The following FAM50B variants were observed in gnomAD, a reference collection of about 807,000 sequenced individuals.
The protein encoded by FAM50B is family with sequence similarity 50 member B.
Under a neutral mutation model 25.4 loss-of-function variants are expected in FAM50B, and 9 were observed. That is an observed-to-expected ratio of 0.35 (90% CI 0.21 to 0.62). The LOEUF (loss-of-function observed/expected upper bound fraction) is 0.62. Among genes scored for constraint, FAM50B ranks in the 20% least tolerant of loss-of-function variants. The probability of loss-of-function intolerance (pLI) is 0.73; values close to 1 mark genes in which losing one functional copy is unlikely to be tolerated. For synonymous variants in FAM50B, 212 were observed against 204.3 expected, an observed-to-expected ratio of 1.04 and a Z score of -0.32; for missense variants, 372 against 477.9, an observed-to-expected ratio of 0.78 and a Z score of 2.07.
rs773185779 is a variant in FAM50B, at chr6:3,849,998, A to C, written c.187A>C (p.Ser63Arg). The change falls in exon 2 of 2, where the codon AGC becomes CGC. Residue 63 changes from serine to arginine, a missense_variant. By Grantham distance (110) the Ser-to-Arg change is moderately radical. Transcript: ENST00000648326. ...YDAVEAELKS[S>R]TVGLVTLNDM... ...CGCCGTGGAGGCCGAGCTGAAGTCCAGCACGGTGGGCCTGGTGACCCTGAA... is the reference window on the plus strand; with the variant it reads ...CGCCGTGGAGGCCGAGCTGAAGTCCCGCACGGTGGGCCTGGTGACCCTGAA... The C allele has an allele frequency of 1.2e-6, 2 of 1,613,770 alleles. No individual in the cohort carries two copies. The highest frequency in any genetic ancestry group is 1.7e-5 in the Admixed American group (1 of 60,004).
At chr6:3,846,009 C>A (rs1397361038), upstream of FAM50B, among the ~76,000 whole-genome samples, 1 of 152,170 alleles carries the variant, frequency 6.6e-6, no homozygotes, top group African/African-American at 2.4e-5. Flanking sequence ...GTGTGAGCCA[C>A]TGCGCCTGGC....
chr6:3,839,287 C>T, the FAM50B span, among the ~76,000 whole-genome samples: 4 of 152,020 alleles, frequency 2.6e-5, no homozygotes, highest in Non-Finnish European at 5.9e-5. Flanking sequence ...TTCTCAGAAG[C>T]TAACAGGTCA....
chr6:3,850,285 C>T lies in FAM50B; in HGVS notation c.474C>T (p.Arg158=), dbSNP rs747860750. The T allele has an allele frequency of 8.1e-6, 13 of 1,613,102 alleles. No homozygotes were observed. The highest frequency in any genetic ancestry group is 2.2e-5 in the South Asian group (2 of 91,060). ...CCAGCTTCCTGCCAGACCGCGACCG[C>T]GAGGAGGAGGAGAACCGGCTCCGAG... The part of the protein sequence containing the change: ...VDTSFLPDRD[R]EEEENRLREE... The change falls in exon 2 of 2, where the codon CGC becomes CGT. Residue 158 remains arginine (R), a synonymous_variant. Transcript: ENST00000648326.
chr6:3,850,416 GGGTGCGCAAGGGCAACACGGTGCA>G lies in FAM50B; in HGVS notation c.607_630del (p.Val203_Gln210del). 1 of 1,613,342 alleles carries G rather than the reference GGGTGCGCAAGGGCAACACGGTGCA, an allele frequency of 6.2e-7. No individual in the cohort carries two copies. The highest frequency in any genetic ancestry group is 8.5e-7 in the Non-Finnish European group (1 of 1,179,934). On this transcript the variant is annotated inframe_deletion, in exon 2 of 2. Coordinates refer to ENST00000648326, the MANE Select transcript of FAM50B (RefSeq NM_012135.3). ...GGCTCGGGCCACCGGCGCACGGTGC[GGGTGCGCAAGGGCAACACGGTGCA>G]GCAGTTCCTGAAGAAGGCGCTGCAG...
the FAM50B span, among the ~76,000 whole-genome samples, chr6:3,836,293 A>G: frequency 2.0e-5 from 3 of 152,156 alleles, no homozygotes; most frequent in Admixed American, 2.0e-4. Context: ...ATTGCAAAAC[A>G]CTCAGTTTAC....
At chr6:3,841,167 G>A in the FAM50B span, among the ~76,000 whole-genome samples, 1 of 152,196 alleles carries the variant, frequency 6.6e-6, no homozygotes, top group Non-Finnish European at 1.5e-5. Flanking sequence ...TGTATACATT[G>A]CACAACTCTC....
chr6:3,832,690 C>T, the FAM50B span, among the ~76,000 whole-genome samples: 3 of 152,158 alleles, frequency 2.0e-5, no homozygotes, highest in Non-Finnish European at 4.4e-5. Flanking sequence ...AGATACACTC[C>T]GGAGACACAC....
chr6:3,833,931 T>A, the FAM50B span: 1 of 152,224 alleles, frequency 6.6e-6, no homozygotes, highest in South Asian at 2.1e-4. Flanking sequence ...AGAAAGACTC[T>A]CAACTGATAG....
chr6:3,837,772 G>C, the FAM50B span, among the ~76,000 whole-genome samples: 1 of 145,022 alleles, frequency 6.9e-6, no homozygotes, highest in Non-Finnish European at 1.5e-5. Flanking sequence ...GGCCACAAGA[G>C]AGAGCTGAAC....
At chr6:3,837,459 T>C in the FAM50B span, among the ~76,000 whole-genome samples, 4 of 152,066 alleles carry the variant, frequency 2.6e-5, no homozygotes, top group East Asian at 7.7e-4. Flanking sequence ...AGCAAGTAAG[T>C]ACATGAAAAA....
Position 3,850,143 on chromosome 6 carries a change from G to A in FAM50B, c.332G>A (p.Arg111His), listed in dbSNP as rs1762189808. 3 of 1,611,286 alleles carry A rather than the reference G, an allele frequency of 1.9e-6. No individual in the cohort carries two copies. Among genetic ancestry groups the A allele is most frequent in the Non-Finnish European group, 2.5e-6 (3 of 1,179,432 alleles). ...CGGCAGCGGGAGCAGGAGCAGCGGCGCGAGCGCAAGCGTAAGATCTCCTGC... is the reference window on the plus strand; with the variant it reads ...CGGCAGCGGGAGCAGGAGCAGCGGCACGAGCGCAAGCGTAAGATCTCCTGC... ...QERQREQEQR[R>H]ERKRKISCLS... The change falls in exon 2 of 2, where the codon CGC becomes CAC. Residue 111 changes from arginine (R) to histidine (H), a missense_variant. By Grantham distance (29) the Arg-to-His change is conservative. Transcript: ENST00000648326.
Position 3,850,468 on chromosome 6 carries a change from G to A in FAM50B, c.657G>A (p.Gly219=). The change falls in exon 2 of 2, where the codon GGG becomes GGA. Residue 219 remains glycine, a synonymous_variant. Coordinates refer to ENST00000648326, the MANE Select transcript of FAM50B (RefSeq NM_012135.3). ...VQQFLKKALQ[G]LRKDFLELRS... ...AGTTCCTGAAGAAGGCGCTGCAGGG[G>A]CTGCGCAAGGACTTCCTGGAGCTGC... 1.9e-6 allele frequency: 3 copies of A among 1,613,586 alleles called. No individual in the cohort carries two copies. The highest frequency in any genetic ancestry group is 1.3e-5 in the African/African-American group (1 of 75,074).
upstream of FAM50B, among the ~76,000 whole-genome samples, chr6:3,849,050 A>G (rs1324423273): frequency 2.6e-5 from 4 of 152,186 alleles, no homozygotes; most frequent in Non-Finnish European, 4.4e-5. Context: ...CTGCGCCCAC[A>G]TTGCTTCTGC....
chr6:3,833,817 C>A, the FAM50B span: 1 of 152,066 alleles, frequency 6.6e-6, no homozygotes, highest in African/African-American at 2.4e-5. Flanking sequence ...ACTGTTGAGT[C>A]AAGTCACATC....
upstream of FAM50B, among the ~76,000 whole-genome samples, chr6:3,847,033 A>C (rs1237532076): frequency 6.6e-6 from 1 of 152,242 alleles, no homozygotes; most frequent in African/African-American, 2.4e-5. Flanking sequence ...TGCTGTAAAC[A>C]GATGTGCTGT....
rs574756557 is a variant in FAM50B at position 3,850,820 on chromosome 6, G to T, written c.*31G>T. On this transcript the variant is annotated 3_prime_UTR_variant, in exon 2 of 2. Transcript: ENST00000648326. ...GCCTGCCAGAGCGGAAACCGGGGGT[G>T]GGGGGAGACACTCATTTCTAGGCCC... 30 of 1,604,262 alleles carry T rather than the reference G, an allele frequency of 1.9e-5. No homozygotes were observed. In the African/African-American group the frequency reaches 3.7e-4, roughly 20 times the overall value.
the FAM50B span, among the ~76,000 whole-genome samples, chr6:3,834,417 T>C: frequency 1.3e-4 from 17 of 131,030 alleles, no homozygotes; most frequent in African/African-American, 4.6e-4. Context: ...AGAGTTAAAA[T>C]GTAAGTAACG....
the FAM50B span, among the ~76,000 whole-genome samples, chr6:3,835,890 C>T: frequency 4.6e-5 from 7 of 152,128 alleles, no homozygotes; most frequent in African/African-American, 9.7e-5. Flanking sequence ...CTTTGGGTGC[C>T]GCATTTCCAG....
the FAM50B span, among the ~76,000 whole-genome samples, chr6:3,842,975 T>C: frequency 1.3e-5 from 2 of 152,242 alleles, no homozygotes; most frequent in East Asian, 1.9e-4. Context: ...TCCATTTTCA[T>C]GTATGTATTC....
Sources: allele counts gnomAD v4.1 joint callset (sites outside exome capture counted in the v4.1 genomes callset), GRCh38; gene constraint gnomAD v4.1.1; transcripts MANE v1.5; gene names NCBI Gene and HGNC (gene_info 2026-07-23, HGNC 2026-07-21).